Variants in MGAT5 observed in about 807,000 individuals in gnomAD.
The protein encoded by MGAT5 is alpha-1,6-mannosylglycoprotein 6-beta-N-acetylglucosaminyltransferase.
A neutral mutation model predicts 94.3 loss-of-function variants in MGAT5; 30 were observed. The ratio of observed to expected loss-of-function variants is 0.32; its 90% CI spans 0.24 to 0.43. MGAT5 has a LOEUF of 0.43. MGAT5 is among the 20% of genes least tolerant of loss of function. The pLI, the probability that MGAT5 is intolerant of heterozygous loss-of-function variation, is 1.00. For synonymous variants in MGAT5, 310 were observed against 322.9 expected, an observed-to-expected ratio of 0.96 and a Z score of 0.43; for missense variants, 691 against 905.5, an observed-to-expected ratio of 0.76 and a Z score of 3.04.
intron 1 of MGAT5, among the ~76,000 whole-genome samples, chr2:134,144,153 G>C (rs998259893): frequency 1.3e-5 from 2 of 152,178 alleles, no homozygotes; most frequent in Non-Finnish European, 2.9e-5. Context: ...GGATTAGTCT[G>C]TTCTTGCACT....
chr2:134,214,573 TATAGAGCTTTCAAGGGTC>T (rs1218180104), intron 1 of MGAT5, among the ~76,000 whole-genome samples: 4 of 151,528 alleles, frequency 2.6e-5, no homozygotes, highest in Non-Finnish European at 5.9e-5. Flanking sequence ...ACAAGCTAGC[TATAGAGCTTTCAAGGGTC>T]TTGGAAGCTC....
At chr2:134,161,984 A>T (rs978191610) in intron 1 of MGAT5, among the ~76,000 whole-genome samples, 1 of 151,616 alleles carries the variant, frequency 6.6e-6, no homozygotes, top group African/African-American at 2.4e-5. Flanking sequence ...TGAGGTTAGG[A>T]GTTTGAGACC....
At chr2:134,190,720 C>A (rs1033611430) in intron 1 of MGAT5, among the ~76,000 whole-genome samples, 56 of 152,146 alleles carry the variant, frequency 3.7e-4, no homozygotes, top group African/African-American at 1.3e-3. Context: ...CCATGGAACA[C>A]TGCAGCCTCA....
At position 134,416,474 on chromosome 2, in the gene MGAT5, C is replaced by CTTTTTTTTTGTTTTTTT. The variant is rs1188980794; in HGVS notation, c.1677+3468_1677+3469insGTTTTTTTTTTTTTTTT. Among the ~76,000 whole-genome samples, 5 of 139,174 alleles carry CTTTTTTTTTGTTTTTTT rather than the reference C, an allele frequency of 3.6e-5. 1 individual carries two copies. The East Asian group carries it at 1.1e-3, about 32-fold the overall frequency. 91.3% of individuals were successfully genotyped at this position (139,174 alleles called of 152,430 possible). A position where few individuals can be genotyped will look rare whatever the true frequency, so the allele number is the denominator to read the frequency against. On this transcript the variant is annotated intron_variant, in intron 12 of 15. Coordinates refer to ENST00000281923, the MANE Select transcript of MGAT5 (RefSeq NM_002410.5). ...GCCTGTTTCAGAATCTCATTCCTTACTTTTTTTTTTTGGAGACCGGGTCTT... is the reference window on the plus strand; with the variant it reads ...GCCTGTTTCAGAATCTCATTCCTTACTTTTTTTTTGTTTTTTTTTTTTTTTTTTGGAGACCGGGTCTT...
intron 1 of MGAT5, among the ~76,000 whole-genome samples, chr2:134,244,274 C>T (rs74913529): frequency 0.035 from 5,369 of 151,558 alleles, 166 homozygotes; most frequent in East Asian, 0.1. Context: ...TTTCCTGGGC[C>T]GGATGCCAGG....
intron 6 of MGAT5, among the ~76,000 whole-genome samples, chr2:134,341,237 G>A (rs1271295703): frequency 6.6e-6 from 1 of 151,370 alleles, no homozygotes; most frequent in Non-Finnish European, 1.5e-5. Context: ...ATGGTAAGAG[G>A]TTAGAAGTAT....
intron 2 of MGAT5, among the ~76,000 whole-genome samples, chr2:134,303,870 T>G (rs1178422760): frequency 3.9e-5 from 6 of 152,184 alleles, no homozygotes; most frequent in African/African-American, 1.4e-4. Context: ...GTTTGCTACC[T>G]TCCAGACTTG....
intron 5 of MGAT5, among the ~76,000 whole-genome samples, 199 bp from the exon 6 acceptor site, chr2:134,338,060 G>A (rs1485555041): frequency 6.6e-6 from 1 of 152,100 alleles, no homozygotes; most frequent in African/African-American, 2.4e-5. Flanking sequence ...GTCCCTTTGG[G>A]CAGATCAGCA....
intron 1 of MGAT5, among the ~76,000 whole-genome samples, chr2:134,170,588 A>G (rs939470012): frequency 5.3e-5 from 8 of 152,204 alleles, no homozygotes; most frequent in Admixed American, 5.2e-4. Flanking sequence ...AACTTTTCAG[A>G]TGATTATACA....
chr2:134,233,421 T>C (rs1377274516), intron 1 of MGAT5, among the ~76,000 whole-genome samples: 1 of 152,224 alleles, frequency 6.6e-6, no homozygotes, highest in East Asian at 1.9e-4. Flanking sequence ...TCAAAACTGA[T>C]GGACAAGATA....
At chr2:134,401,252 C>T (rs1214120431) in intron 10 of MGAT5, among the ~76,000 whole-genome samples, 1 of 152,174 alleles carries the variant, frequency 6.6e-6, no homozygotes, top group African/African-American at 2.4e-5. Flanking sequence ...AACCAGCTTC[C>T]TCAGAACTTG....
intron 1 of MGAT5, among the ~76,000 whole-genome samples, chr2:134,262,572 G>A (rs58874234): frequency 1.3e-5 from 2 of 152,138 alleles, no homozygotes; most frequent in Middle Eastern, 3.4e-3. Context: ...TTTTTCTAAA[G>A]ATGGAATCTC....
intron 15 of MGAT5, 97 bp from the exon 16 acceptor site, chr2:134,448,552 T>TC (rs1685925197): frequency 2.7e-6 from 3 of 1,096,310 alleles, no homozygotes; most frequent in South Asian, 1.3e-5. Context: ...CAACTGAACA[T>TC]CCCCCCATGC....
chr2:134,185,248 C>T (rs537705216), intron 1 of MGAT5, among the ~76,000 whole-genome samples: 1 of 152,204 alleles, frequency 6.6e-6, no homozygotes, highest in Non-Finnish European at 1.5e-5. Context: ...ATCCTGCAGC[C>T]CTGTGGTCAT....
chr2:134,243,185 AAT>A (rs1447579722), intron 1 of MGAT5, among the ~76,000 whole-genome samples: 2 of 152,144 alleles, frequency 1.3e-5, no homozygotes, highest in Non-Finnish European at 2.9e-5. Flanking sequence ...AGCAGCTTAA[AAT>A]AAAAATACCT....
chr2:134,274,645 T>A (rs1684239646), intron 2 of MGAT5, among the ~76,000 whole-genome samples: 1 of 152,248 alleles, frequency 6.6e-6, no homozygotes, highest in Non-Finnish European at 1.5e-5. Flanking sequence ...GCTGAATAAC[T>A]GGCCAGTGCT....
intron 1 of MGAT5, among the ~76,000 whole-genome samples, chr2:134,192,221 C>G (rs1558980078): frequency 6.6e-6 from 1 of 152,038 alleles, no homozygotes; most frequent in Non-Finnish European, 1.5e-5. Context: ...GAGCGGGTTC[C>G]TGATGAAAGG....
intron 12 of MGAT5, among the ~76,000 whole-genome samples, chr2:134,417,946 A>G (rs990704767): frequency 3.3e-5 from 5 of 152,172 alleles, no homozygotes; most frequent in Admixed American, 2.6e-4. Context: ...AGAAGCCCCT[A>G]TCTTTTCTTA....
intron 2 of MGAT5, among the ~76,000 whole-genome samples, chr2:134,278,634 T>G (rs1439388919): frequency 6.6e-6 from 1 of 152,196 alleles, no homozygotes; most frequent in Non-Finnish European, 1.5e-5. Context: ...ATCCTAAACC[T>G]GACTCAAGCT....
Sources: allele counts gnomAD v4.1 joint callset (sites outside exome capture counted in the v4.1 genomes callset), GRCh38; gene constraint gnomAD v4.1.1; transcripts MANE v1.5; gene names NCBI Gene and HGNC (gene_info 2026-07-23, HGNC 2026-07-21).